CFLAR: variants seen among roughly 807,000 people sequenced by gnomAD.
CFLAR encodes the protein CASP8 and FADD like apoptosis regulator, also known as CASP8 and FADD-like apoptosis regulator.
Under a neutral mutation model 51.1 loss-of-function variants are expected in CFLAR, and 14 were observed. The ratio of observed to expected loss-of-function variants is 0.27; its 90% CI spans 0.18 to 0.43. CFLAR has a LOEUF of 0.43. Ranked by LOEUF, CFLAR falls within the 20% of genes least tolerant of loss-of-function variation. CFLAR has a pLI of 1.00. For missense variants in CFLAR, 390 were observed against 566.5 expected (o/e 0.69, Z 3.16); for synonymous variants, 210 against 211.6 (o/e 0.99, Z 0.06).
intron 8 of CFLAR, among the ~76,000 whole-genome samples, chr2:201,153,903 C>CTTTTTTTTTTTTTTT (rs747813572): frequency 3.2e-4 from 33 of 103,012 alleles, no homozygotes; most frequent in African/African-American, 4.6e-4. Context: ...TCTTTTCTTT[C>CTTTTTTTTTTTTTTT]TTTTTTTTTT....
intron 1 of CFLAR, among the ~76,000 whole-genome samples, chr2:201,117,748 A>G: frequency 7.3e-6 from 1 of 136,464 alleles, no homozygotes; most frequent in South Asian, 2.3e-4. Context: ...GAGCTCCAAG[A>G]TCTTTTTTTT....
chr2:201,152,495 A>G (rs1198814388), intron 8 of CFLAR, among the ~76,000 whole-genome samples: 3 of 152,116 alleles, frequency 2.0e-5, no homozygotes, highest in African/African-American at 7.2e-5. Flanking sequence ...ACTAGATGCC[A>G]ACTAGCATTA....
Position 201,149,933 on chromosome 2 carries a change from C to T in CFLAR, c.793+98C>T, listed in dbSNP as rs896381544. 1.4e-5 allele frequency: 12 copies of T among 874,308 alleles called. No individual in the cohort carries two copies. In the African/African-American group the frequency reaches 2.0e-4, roughly 15 times the overall value. 54.2% of individuals were successfully genotyped at this position (874,308 alleles called of 1,614,324 possible). On this transcript the variant is annotated intron_variant, in intron 8 of 9. Coordinates refer to ENST00000309955, the MANE Select transcript of CFLAR (RefSeq NM_003879.7). ...GAGTGATCAGCACCAACTGCCGTGA[C>T]AAACCAGTTCAAGAATCTGTGCTTC... is the stretch of plus-strand genomic sequence containing the variant.
At chr2:201,155,045 G>C (rs72931053) in intron 8 of CFLAR, among the ~76,000 whole-genome samples, 4,146 of 152,288 alleles carry the variant, frequency 0.027, 94 homozygotes, top group Middle Eastern at 0.082. Context: ...TGAAAAATAA[G>C]TCTTTGGTGT....
In CFLAR at chr2:201,148,849, T is replaced by A. The variant is rs539650365; in HGVS notation, c.662-154T>A. ...TATGTCACTTTCTTCAGTGTGAGGT[T>A]GAAACCTTGGGGCCAAGTATAGCTG... On this transcript the variant is annotated intron_variant, in intron 6 of 9. Coordinates refer to ENST00000309955, the MANE Select transcript of CFLAR (RefSeq NM_003879.7). 69 of 587,588 alleles carry A rather than the reference T, an allele frequency of 1.2e-4. No individual in the cohort carries two copies. The African/African-American group carries it at 1.2e-3, about 10-fold the overall frequency. 36.4% of individuals were successfully genotyped at this position (587,588 alleles called of 1,614,324 possible). A position where few individuals can be genotyped will look rare whatever the true frequency, so the allele number is the denominator to read the frequency against.
At chr2:201,128,739 C>T (rs1431304641) in intron 1 of CFLAR, among the ~76,000 whole-genome samples, 1 of 151,998 alleles carries the variant, frequency 6.6e-6, no homozygotes, top group African/African-American at 2.4e-5. Context: ...TGATTTTAAC[C>T]TGAAATATTG....
intron 2 of CFLAR, among the ~76,000 whole-genome samples, chr2:201,131,999 A>G (rs1272417687): frequency 2.0e-5 from 3 of 152,172 alleles, no homozygotes. Context: ...GATTATTATC[A>G]TTGTTATTAT....
intron 3 of CFLAR, among the ~76,000 whole-genome samples, chr2:201,133,536 C>T (rs570867660): frequency 8.0e-4 from 122 of 152,154 alleles, no homozygotes; most frequent in Admixed American, 2.2e-3. Flanking sequence ...CCTCAGCTGA[C>T]TCAAGGTCAT....
chr2:201,169,123 A>G lies in CFLAR; in HGVS notation c.*5150A>G, dbSNP rs1348165134. The stretch of plus-strand genomic sequence containing the variant: ...TAGAAAAAAACTACTTTAAAATTCA[A>G]ATGGAACCAAAAAAGAGCCCGTATA... On this transcript the variant is annotated 3_prime_UTR_variant, in exon 10 of 10. Coordinates refer to ENST00000309955, the MANE Select transcript of CFLAR (RefSeq NM_003879.7). 1 of 152,154 alleles carries G rather than the reference A, an allele frequency of 6.6e-6. No individual in the cohort carries two copies. The highest frequency in any genetic ancestry group is 6.6e-5 in the Admixed American group (1 of 15,256). 9.4% of individuals were successfully genotyped at this position (152,154 alleles called of 1,614,324 possible).
chr2:201,138,148 C>T lies in CFLAR; in HGVS notation c.523+2041C>T. 1 of 845,752 alleles carries T rather than the reference C, an allele frequency of 1.2e-6. No individual in the cohort carries two copies. Among genetic ancestry groups the T allele is most frequent in the Non-Finnish European group, 2.1e-6 (1 of 484,574 alleles). 52.4% of individuals were successfully genotyped at this position (845,752 alleles called of 1,614,324 possible). On this transcript the variant is annotated intron_variant, in intron 4 of 9. Transcript: ENST00000309955. This position sits in a 1 kb window ranked among gnomAD's most constrained non-coding sequence, Gnocchi z 4.0. Reference sequence around the variant, plus strand: ...TCAGGTTGTTGGCCTGGGCTGCTGTCACCACGTTCCCCCCAATCACCTGGA... The same window carrying T: ...TCAGGTTGTTGGCCTGGGCTGCTGTTACCACGTTCCCCCCAATCACCTGGA...
intron 9 of CFLAR, chr2:201,163,032 G>A (rs112626120): frequency 2.9e-5 from 22 of 757,478 alleles, no homozygotes; most frequent in African/African-American, 8.4e-5. Context: ...CAGAGTCAAA[G>A]GACATGCATT....
chr2:201,132,433 AT>A (rs531971999), intron 2 of CFLAR, among the ~76,000 whole-genome samples: 71 of 113,960 alleles, frequency 6.2e-4, no homozygotes, highest in African/African-American at 2.0e-3. Flanking sequence ...GGGGAAAAAT[AT>A]ATATATATAT....
In CFLAR at chr2:201,149,789, G is replaced by C. The variant is rs371397796; in HGVS notation, c.747G>C (p.Lys249Asn). The C allele has an allele frequency of 1.2e-5, 19 of 1,613,732 alleles. No individual in the cohort carries two copies. In the African/African-American group the frequency reaches 2.5e-4, roughly 22 times the overall value. The change falls in exon 8 of 10, where the codon AAG becomes AAC. Residue 249 changes from lysine to asparagine, a missense_variant. Around this residue, in one of 2 missense-constraint regions of CFLAR, gnomAD observed 287 missense variants for 363.6 expected, o/e 0.79. Coordinates refer to ENST00000309955, the MANE Select transcript of CFLAR (RefSeq NM_003879.7). ...IPEERYKMKS[K>N]PLGICLIIDC... ...AAGAGAGATACAAGATGAAGAGCAA[G>C]CCCCTAGGAATCTGCCTGATAATCG... is the stretch of plus-strand genomic sequence containing the variant.
chr2:201,157,150 A>C (rs1302602880), intron 8 of CFLAR, among the ~76,000 whole-genome samples: 1 of 152,148 alleles, frequency 6.6e-6, no homozygotes, highest in Non-Finnish European at 1.5e-5. Context: ...TTGGATCCTC[A>C]CGGTCACCTT....
intron 5 of CFLAR, among the ~76,000 whole-genome samples, chr2:201,144,867 CAG>C (rs1438040341): frequency 3.3e-5 from 5 of 151,796 alleles, no homozygotes; most frequent in Admixed American, 6.6e-5. Flanking sequence ...ATTTTTGTGA[CAG>C]AGTTTCACTT....
chr2:201,163,131 T>C lies in CFLAR; in HGVS notation c.1305-704T>C, dbSNP rs74474726. ...AGTAGCTGTGTCCCTGAATTCTCCCTGACACTGCATGCTCTTATATTTCCT... is the reference window on the plus strand; with the variant it reads ...AGTAGCTGTGTCCCTGAATTCTCCCCGACACTGCATGCTCTTATATTTCCT... On this transcript the variant is annotated intron_variant, in intron 9 of 9. Coordinates refer to ENST00000309955, the MANE Select transcript of CFLAR (RefSeq NM_003879.7). 1,682 of 777,952 alleles carry C rather than the reference T, an allele frequency of 2.2e-3. 15 individuals are homozygous for C. In the African/African-American group the frequency reaches 0.025, roughly 11 times the overall value. 48.2% of individuals were successfully genotyped at this position (777,952 alleles called of 1,614,324 possible). A position where few individuals can be genotyped will look rare whatever the true frequency, so the allele number is the denominator to read the frequency against.
chr2:201,167,679 AT>A lies in CFLAR; in HGVS notation c.*3707del, dbSNP rs2125977887. ...CATGAGCTAAAACCCTGTGTTAATT[AT>A]GACAGAAGGAAAGTGTGTGAGAGAG... On this transcript the variant is annotated 3_prime_UTR_variant, in exon 10 of 10. Transcript: ENST00000309955. 6.6e-6 allele frequency: 1 copy of A among 152,348 alleles called. No individual in the cohort carries two copies. Among genetic ancestry groups the A allele is most frequent in the African/African-American group, 2.4e-5 (1 of 41,566 alleles). 9.4% of individuals were successfully genotyped at this position (152,348 alleles called of 1,614,324 possible). A position where few individuals can be genotyped will look rare whatever the true frequency, so the allele number is the denominator to read the frequency against.
chr2:201,125,711 G>T (rs1016593722), intron 1 of CFLAR, among the ~76,000 whole-genome samples: 1 of 152,086 alleles, frequency 6.6e-6, no homozygotes, highest in Admixed American at 6.5e-5. Flanking sequence ...TGTGGGAAAG[G>T]AGCTGAACAG....
chr2:201,123,209 A>G (rs777610757), intron 1 of CFLAR, among the ~76,000 whole-genome samples: 7 of 152,196 alleles, frequency 4.6e-5, no homozygotes, highest in Non-Finnish European at 7.3e-5. Flanking sequence ...CAGCCTACAC[A>G]TAAGTGTTAG....
Sources: allele counts gnomAD v4.1 joint callset (sites outside exome capture counted in the v4.1 genomes callset), GRCh38; gene constraint gnomAD v4.1.1; regional missense constraint gnomAD v4.1.1; non-coding constraint Gnocchi (gnomAD v3.1); transcripts MANE v1.5; gene names NCBI Gene and HGNC (gene_info 2026-07-23, HGNC 2026-07-21).